The following PCDHGA4 variants were observed in gnomAD, a reference collection of about 807,000 sequenced individuals.
PCDHGA4 encodes the protein protocadherin gamma subfamily A, 4.
PCDHGA4 carries 38 observed loss-of-function variants against 54.6 expected under a neutral mutation model. The ratio of observed to expected loss-of-function variants is 0.70; its 90% CI spans 0.54 to 0.91. The LOEUF is 0.91. Among genes scored for constraint, PCDHGA4 ranks in the 40% least tolerant of loss-of-function variants. PCDHGA4 has a pLI of 0.00. For synonymous variants in PCDHGA4, 511 were observed against 512.9 expected (o/e 1.00, Z 0.05); for missense variants, 1,298 against 1,220.9 (o/e 1.06, Z -0.94).
In PCDHGA4 at chr5:141,402,929, A is replaced by G. The variant is rs751760276; in HGVS notation, c.2514+45308A>G. 12 of 1,583,076 alleles carry G rather than the reference A, an allele frequency of 7.6e-6. No individual in the cohort carries two copies. In the South Asian group the frequency reaches 1.3e-4, roughly 17 times the overall value. On this transcript the variant is annotated intron_variant, in intron 1 of 3. Coordinates refer to ENST00000571252, the MANE Select transcript of PCDHGA4 (RefSeq NM_018917.4). ...AGCAGCGCGCACAGAGATCCTTTTG[A>G]GAAAATTCCAAAGCGAGGCAGCAAT...
intron 1 of PCDHGA4, chr5:141,370,706 G>T (rs536075571): frequency 1.2e-5 from 19 of 1,613,790 alleles, no homozygotes; most frequent in Middle Eastern, 1.6e-4. Context: ...CGTGTGTTCT[G>T]GAATTTGAAA....
intron 1 of PCDHGA4, chr5:141,398,931 C>G (rs1442157400): frequency 6.2e-7 from 1 of 1,613,956 alleles, no homozygotes; most frequent in Admixed American, 1.7e-5. Flanking sequence ...CAGCCACTGA[C>G]CAAGACGAGG....
chr5:141,382,470 A>G (rs918118556), intron 1 of PCDHGA4, among the ~76,000 whole-genome samples: 1 of 152,234 alleles, frequency 6.6e-6, no homozygotes, highest in African/African-American at 2.4e-5. Flanking sequence ...TTTAAAAATT[A>G]TCTAAGATTA....
chr5:141,365,137 A>G (rs896268643), intron 1 of PCDHGA4: 15 of 1,613,972 alleles, frequency 9.3e-6, no homozygotes, highest in Non-Finnish European at 1.3e-5. Flanking sequence ...CCACGGATCC[A>G]GATGAGGGAA....
rs756971733 is a variant in PCDHGA4 at position 141,375,686 on chromosome 5, A to G, written c.2514+18065A>G. On this transcript the variant is annotated intron_variant, in intron 1 of 3. Coordinates refer to ENST00000571252, the MANE Select transcript of PCDHGA4 (RefSeq NM_018917.4). Reference sequence around the variant, plus strand: ...AGACCTACAGCTGTGGGTGACAGCCAGCGACAGCGGGGACCCGCCTCTTAG... The same window carrying G: ...AGACCTACAGCTGTGGGTGACAGCCGGCGACAGCGGGGACCCGCCTCTTAG... 1.9e-6 allele frequency: 3 copies of G among 1,614,122 alleles called. No individual in the cohort carries two copies. Among genetic ancestry groups the G allele is most frequent in the East Asian group, 2.2e-5 (1 of 44,894 alleles).
chr5:141,355,770 G>A lies in PCDHGA4; in HGVS notation c.663G>A (p.Lys221=). Reference sequence around the variant, plus strand: ...TGCAAAGTGGGGCCGATGGGATTAAGTACCCAGAGCTGGTGCTGGAACGCG... The same window carrying A: ...TGCAAAGTGGGGCCGATGGGATTAAATACCCAGAGCTGGTGCTGGAACGCG... ...LDVQSGADGI[K]YPELVLERAL... is the part of the protein sequence containing the mutation. Residue 221 remains lysine, a synonymous_variant, in exon 1 of 4, where the codon AAG becomes AAA. Transcript: ENST00000571252. The A allele has an allele frequency of 6.2e-7, 1 of 1,613,888 alleles. No individual in the cohort carries two copies.
At chr5:141,474,002 G>A (rs1020912365) in intron 1 of PCDHGA4, among the ~76,000 whole-genome samples, 5 of 152,078 alleles carry the variant, frequency 3.3e-5, no homozygotes, top group Non-Finnish European at 5.9e-5. Context: ...CCAAGGAGCT[G>A]GAAGTTACAG....
chr5:141,360,990 C>T (rs1486053605), intron 1 of PCDHGA4: 1 of 1,613,336 alleles, frequency 6.2e-7, no homozygotes, highest in Non-Finnish European at 8.5e-7. Context: ...ATAATGTGGA[C>T]GAACAAGTGA....
At chr5:141,366,085 C>A (rs938214198) in intron 1 of PCDHGA4, 6 of 1,614,150 alleles carry the variant, frequency 3.7e-6, no homozygotes, top group Non-Finnish European at 5.1e-6. Context: ...CAGAACCTGG[C>A]TACCTGGTGA....
intron 1 of PCDHGA4, among the ~76,000 whole-genome samples, chr5:141,470,151 CT>C (rs746135943): frequency 7.2e-5 from 11 of 152,164 alleles, no homozygotes; most frequent in Non-Finnish European, 1.6e-4. Flanking sequence ...CATAGATCAT[CT>C]TATCAAATCA....
intron 1 of PCDHGA4, chr5:141,392,827 A>G: frequency 2.5e-6 from 4 of 1,601,944 alleles, no homozygotes; most frequent in Non-Finnish European, 3.4e-6. Flanking sequence ...GCCGCTCCAC[A>G]GAGTCGCCCC....
chr5:141,478,143 A>T (rs759384540), intron 1 of PCDHGA4: 1 of 1,614,014 alleles, frequency 6.2e-7, no homozygotes, highest in Non-Finnish European at 8.5e-7. Flanking sequence ...GCCCGAGCCG[A>T]GTTCCCCTCT....
At chr5:141,406,025 G>A (rs1367856742) in intron 1 of PCDHGA4, among the ~76,000 whole-genome samples, 1 of 151,502 alleles carries the variant, frequency 6.6e-6, no homozygotes, top group Non-Finnish European at 1.5e-5. Flanking sequence ...TTTTGGGTAG[G>A]GTTGCTTCAT....
Position 141,491,547 on chromosome 5 carries a change from G to C in PCDHGA4, c.2515-3260G>C. On this transcript the variant is annotated intron_variant, in intron 1 of 3. Coordinates refer to ENST00000571252, the MANE Select transcript of PCDHGA4 (RefSeq NM_018917.4). This position sits in a 1 kb window ranked among gnomAD's most constrained non-coding sequence, Gnocchi z 6.9. Reference sequence around the variant, plus strand: ...AGGTGACGCTGCGGCCCACAGACTCGCAGAGCCACTGCTACAGGACGTGCT... The same window carrying C: ...AGGTGACGCTGCGGCCCACAGACTCCCAGAGCCACTGCTACAGGACGTGCT... 6.2e-7 allele frequency: 1 copy of C among 1,613,974 alleles called. No individual in the cohort carries two copies. The highest frequency in any genetic ancestry group is 8.5e-7 in the Non-Finnish European group (1 of 1,180,022).
intron 1 of PCDHGA4, chr5:141,384,422 A>C: frequency 6.2e-7 from 1 of 1,613,924 alleles, no homozygotes; most frequent in Non-Finnish European, 8.5e-7. Flanking sequence ...GTCTCCATAA[A>C]CTCTGACACT....
At position 141,476,973 on chromosome 5, in the gene PCDHGA4, A is replaced by C. The variant is rs1205314116; in HGVS notation, c.2515-17834A>C. Reference sequence around the variant, plus strand: ...GAAATTATTTACTCCTTCGGCAGCCACAACCGCGCCGGCGTGCGGCAACTA... The same window carrying C: ...GAAATTATTTACTCCTTCGGCAGCCCCAACCGCGCCGGCGTGCGGCAACTA... On this transcript the variant is annotated intron_variant, in intron 1 of 3. Coordinates refer to ENST00000571252, the MANE Select transcript of PCDHGA4 (RefSeq NM_018917.4). The surrounding 1 kb of genome is among the most constrained non-coding windows in gnomAD (Gnocchi z 7.6). 6.2e-7 allele frequency: 1 copy of C among 1,614,230 alleles called. No homozygotes were observed. The highest frequency in any genetic ancestry group is 2.2e-5 in the East Asian group (1 of 44,884).
chr5:141,370,877 T>C (rs372858299), intron 1 of PCDHGA4: 41 of 1,614,038 alleles, frequency 2.5e-5, no homozygotes, highest in Middle Eastern at 1.6e-4. Flanking sequence ...AAGATCCTGA[T>C]GTAGGTGTCA....
At chr5:141,399,842 A>G (rs749737928) in intron 1 of PCDHGA4, 11 of 1,612,852 alleles carry the variant, frequency 6.8e-6, no homozygotes, top group Non-Finnish European at 8.5e-7. Flanking sequence ...GCGCTCTTCG[A>G]TATGGTGCCG....
intron 1 of PCDHGA4, chr5:141,419,854 A>G: frequency 1.9e-6 from 3 of 1,614,078 alleles, no homozygotes; most frequent in Non-Finnish European, 2.5e-6. Flanking sequence ...TGGTGTTCGC[A>G]GATAGCTTGC....
Sources: allele counts gnomAD v4.1 joint callset (sites outside exome capture counted in the v4.1 genomes callset), GRCh38; gene constraint gnomAD v4.1.1; non-coding constraint Gnocchi (gnomAD v3.1); transcripts MANE v1.5; gene names NCBI Gene and HGNC (gene_info 2026-07-23, HGNC 2026-07-21).